The following AGAP1 variants were observed in gnomAD, a reference collection of about 807,000 sequenced individuals.
The protein encoded by AGAP1 is arf-GAP with GTPase, ANK repeat and PH domain-containing protein 1.
In AGAP1, 29 loss-of-function variants were observed where a neutral mutation model predicts 105.3. The ratio of observed to expected loss-of-function variants is 0.28; its 90% CI spans 0.21 to 0.38. AGAP1 has a LOEUF of 0.38. Ranked by LOEUF, AGAP1 falls within the 10% of genes least tolerant of loss-of-function variation. The pLI, the probability that AGAP1 is intolerant of heterozygous loss-of-function variation, is 1.00. For missense variants in AGAP1, 998 were observed against 1,165.1 expected, an observed-to-expected ratio of 0.86 and a Z score of 2.09; for synonymous variants, 509 against 485.9, an observed-to-expected ratio of 1.05 and a Z score of -0.63.
In AGAP1 at chr2:235,930,955, G is replaced by A; in HGVS notation, c.1483+32G>A. ...GGGGGCTCAGCCCCACGGACCCGCA[G>A]CCACCTCAAGGTCCTTCGTTGTAAG... On this transcript the variant is annotated intron_variant, in intron 12 of 17. Transcript: ENST00000304032. This position sits in a 1 kb window ranked among gnomAD's most constrained non-coding sequence, Gnocchi z 7.9. 6.2e-7 allele frequency: 1 copy of A among 1,607,884 alleles called. No individual in the cohort carries two copies. The highest frequency in any genetic ancestry group is 1.7e-4 in the Middle Eastern group (1 of 6,008).
chr2:235,565,460 C>T (rs1314241981), intron 1 of AGAP1, among the ~76,000 whole-genome samples: 4 of 152,214 alleles, frequency 2.6e-5, no homozygotes, highest in Non-Finnish European at 5.9e-5. Context: ...TGCAGTTACA[C>T]CACTCATGCC....
At chr2:235,585,512 G>C (rs1465302654) in intron 1 of AGAP1, among the ~76,000 whole-genome samples, 2 of 152,162 alleles carry the variant, frequency 1.3e-5, no homozygotes, top group Non-Finnish European at 2.9e-5. Flanking sequence ...TCAGGTTCCA[G>C]GAATGAGTCT....
intron 9 of AGAP1, among the ~76,000 whole-genome samples, chr2:235,848,044 T>G (rs4663211): frequency 0.73 from 111,641 of 152,120 alleles, 41,395 homozygotes; most frequent in East Asian, 0.99. Context: ...AGTGATACCT[T>G]TTTCTAGGCA....
chr2:236,053,356 A>T lies in AGAP1; in HGVS notation c.2114+4075A>T, dbSNP rs2057962644. Among the ~76,000 whole-genome samples the T allele has an allele frequency of 6.6e-6, 1 of 152,220 alleles. No homozygotes were observed. Among genetic ancestry groups the T allele is most frequent in the Non-Finnish European group, 1.5e-5 (1 of 68,040 alleles). The stretch of plus-strand genomic sequence containing the variant: ...CTACTTCGGGGCCTTGGAATTCCTC[A>T]TGTGAGTGAAACCGGGGCTTTGACG... On this transcript the variant is annotated intron_variant, in intron 16 of 17. Transcript: ENST00000304032. The surrounding 1 kb of genome is among the most constrained non-coding windows in gnomAD (Gnocchi z 4.6).
chr2:235,995,104 A>G (rs1440099563), intron 13 of AGAP1, among the ~76,000 whole-genome samples: 1 of 149,906 alleles, frequency 6.7e-6, no homozygotes, highest in East Asian at 2.0e-4. Flanking sequence ...ACAGAATAAG[A>G]TACAACAGTA....
rs559826286 is a variant in AGAP1 at position 235,810,565 on chromosome 2, G to A, written c.1050+3234G>A. Among the ~76,000 whole-genome samples, 7 of 152,264 alleles carry A rather than the reference G, an allele frequency of 4.6e-5. No homozygotes were observed. The South Asian group carries it at 8.3e-4, about 18-fold the overall frequency. On this transcript the variant is annotated intron_variant, in intron 9 of 17. Coordinates refer to ENST00000304032, the MANE Select transcript of AGAP1 (RefSeq NM_001037131.3). ...CCAGAGTTTACAGATAGTACGTGTCGCAGTGGCTTATGTTAACCCCCTTTC... is the reference window on the plus strand; with the variant it reads ...CCAGAGTTTACAGATAGTACGTGTCACAGTGGCTTATGTTAACCCCCTTTC...
At chr2:235,880,178 G>A (rs1209991216) in intron 9 of AGAP1, among the ~76,000 whole-genome samples, 1 of 149,252 alleles carries the variant, frequency 6.7e-6, no homozygotes, top group African/African-American at 2.5e-5. Flanking sequence ...CGATTAGACT[G>A]TTTCCCCCTT....
rs11393040 is a variant in AGAP1 at position 235,690,346 on chromosome 2, G to GC, written c.164-18830dup. ...GGACTCCTGGGGCTGGGGAGGCCGT[G>GC]CCCTGGGGGCAGGTGCAGGAGGGAG... On this transcript the variant is annotated intron_variant, in intron 1 of 17. Coordinates refer to ENST00000304032, the MANE Select transcript of AGAP1 (RefSeq NM_001037131.3). The surrounding 1 kb of genome is among the most constrained non-coding windows in gnomAD (Gnocchi z 4.1). Among the ~76,000 whole-genome samples, 152,206 of 152,208 alleles carry GC rather than the reference G, an allele frequency of 1. 76,102 individuals are homozygous for GC. Among genetic ancestry groups the GC allele is most frequent in the Non-Finnish European group, 1 (68,020 of 68,020 alleles).
intron 16 of AGAP1, among the ~76,000 whole-genome samples, chr2:236,102,260 AC>A (rs1397969286): frequency 3.3e-5 from 5 of 152,100 alleles, no homozygotes; most frequent in Non-Finnish European, 5.9e-5. Flanking sequence ...TACTAAAAAT[AC>A]AAAAAATTAG....
At chr2:235,567,837 G>T (rs1944396207) in intron 1 of AGAP1, among the ~76,000 whole-genome samples, 1 of 152,042 alleles carries the variant, frequency 6.6e-6, no homozygotes, top group African/African-American at 2.4e-5. Context: ...GAGAGGAAAG[G>T]ACAAAGATGA....
intron 13 of AGAP1, among the ~76,000 whole-genome samples, chr2:236,031,416 G>A (rs559646409): frequency 3.9e-5 from 6 of 152,256 alleles, no homozygotes; most frequent in African/African-American, 7.2e-5. Context: ...CTAGCTGATC[G>A]CAGATCCTTC....
Position 235,751,039 on chromosome 2 carries a change from C to G in AGAP1, c.673+551C>G, listed in dbSNP as rs1200472056. On this transcript the variant is annotated intron_variant, in intron 6 of 17. Coordinates refer to ENST00000304032, the MANE Select transcript of AGAP1 (RefSeq NM_001037131.3). The surrounding 1 kb of genome is among the most constrained non-coding windows in gnomAD (Gnocchi z 5.3). ...TTAGGTTATTTTATTCATTATTGAT[C>G]ACCTACCTTCAGGAACAGCCACAAA... is the stretch of plus-strand genomic sequence containing the variant. Among the ~76,000 whole-genome samples the G allele has an allele frequency of 1.3e-5, 2 of 152,098 alleles. No individual in the cohort carries two copies.
intron 13 of AGAP1, among the ~76,000 whole-genome samples, chr2:236,024,038 T>TG (rs200559230): frequency 2.9e-4 from 43 of 147,080 alleles, no homozygotes; most frequent in African/African-American, 1.1e-3. Context: ...TTTTTTGTTT[T>TG]TTTTTTTTTT....
At chr2:236,108,323 G>A (rs2059554151) in intron 16 of AGAP1, among the ~76,000 whole-genome samples, 1 of 152,146 alleles carries the variant, frequency 6.6e-6, no homozygotes, top group Non-Finnish European at 1.5e-5. Context: ...GCTTGAGGCA[G>A]GAAGCACTCT....
In AGAP1 at chr2:235,750,545, A is replaced by G; in HGVS notation, c.673+57A>G. ...GTTCATGATAGACGGGAGGCACTTC[A>G]AGAAGTCAGTCCTGCCTGCACTTGT... On this transcript the variant is annotated intron_variant, in intron 6 of 17. Transcript: ENST00000304032. This position sits in a 1 kb window ranked among gnomAD's most constrained non-coding sequence, Gnocchi z 5.3. 6.2e-7 allele frequency: 1 copy of G among 1,609,014 alleles called. No individual in the cohort carries two copies. The highest frequency in any genetic ancestry group is 8.5e-7 in the Non-Finnish European group (1 of 1,176,288).
rs1944676540 is a variant in AGAP1, at chr2:235,574,689, C to A, written c.163+79840C>A. Among the ~76,000 whole-genome samples the A allele has an allele frequency of 6.6e-6, 1 of 152,060 alleles. No homozygotes were observed. The highest frequency in any genetic ancestry group is 6.6e-5 in the Admixed American group (1 of 15,240). Reference sequence around the variant, plus strand: ...TGACCCCTAAAAGGAAGGTCTTTTGCTTTTTAAAGAGACTGTATTAAGAGG... The same window carrying A: ...TGACCCCTAAAAGGAAGGTCTTTTGATTTTTAAAGAGACTGTATTAAGAGG... On this transcript the variant is annotated intron_variant, in intron 1 of 17. Transcript: ENST00000304032. The surrounding 1 kb of genome is among the most constrained non-coding windows in gnomAD (Gnocchi z 5.0).
At chr2:235,673,619 G>C (rs898195011) in intron 1 of AGAP1, among the ~76,000 whole-genome samples, 1 of 152,162 alleles carries the variant, frequency 6.6e-6, no homozygotes, top group African/African-American at 2.4e-5. Flanking sequence ...AAAGTAATTT[G>C]CCAGCCATTT....
intron 9 of AGAP1, among the ~76,000 whole-genome samples, chr2:235,835,917 A>T (rs1294383806): frequency 6.6e-6 from 1 of 152,184 alleles, no homozygotes; most frequent in African/African-American, 2.4e-5. Flanking sequence ...CATTTTGGGG[A>T]TTCCGCCATA....
At chr2:235,825,835 T>C (rs1959031808) in intron 9 of AGAP1, among the ~76,000 whole-genome samples, 1 of 152,218 alleles carries the variant, frequency 6.6e-6, no homozygotes, top group Non-Finnish European at 1.5e-5. Flanking sequence ...GTAATAACTA[T>C]ACATTTAAAA....
Sources: gnomAD v4.1 joint callset for allele counts (sites outside exome capture counted in the v4.1 genomes callset) on GRCh38, gnomAD v4.1.1 for gene constraint, Gnocchi (gnomAD v3.1) non-coding constraint, MANE v1.5 for transcripts, NCBI Gene and HGNC (gene_info 2026-07-23, HGNC 2026-07-21) for gene names.